The following PTP4A3 variants were observed in gnomAD, a reference collection of about 807,000 sequenced individuals.
The protein encoded by PTP4A3 is protein tyrosine phosphatase type IVA 3.
Under a neutral mutation model 15.2 loss-of-function variants are expected in PTP4A3, and 9 were observed. The observed-to-expected ratio is 0.59, with a 90% CI of 0.36 to 1.03. PTP4A3 has a LOEUF of 1.03. Ranked by LOEUF, PTP4A3 falls within the 50% of genes least tolerant of loss-of-function variation. The pLI is 0.02. For missense variants in PTP4A3, 234 were observed against 252.1 expected, an observed-to-expected ratio of 0.93 and a Z score of 0.49; for synonymous variants, 95 against 102.0, an observed-to-expected ratio of 0.93 and a Z score of 0.41.
intron 1 of PTP4A3, among the ~76,000 whole-genome samples, chr8:141,403,944 C>T (rs553316507): frequency 1.3e-5 from 2 of 152,378 alleles, no homozygotes; most frequent in South Asian, 2.1e-4. Context: ...CCACTAATTC[C>T]AGTGCAGGGT....
rs1398846007 is a variant in PTP4A3, at chr8:141,392,095, T to C, written c.-854+11T>C. ...CGCCCGGACCGCCAGGTCAGTCTCC[T>C]CCGCGCCCGCTCGGGGCGGGGGCGC... On this transcript the variant is annotated intron_variant, in intron 1 of 5. Coordinates refer to ENST00000521578, the MANE Select transcript of PTP4A3 (RefSeq NM_032611.3). 1 of 146,022 alleles carries C rather than the reference T, an allele frequency of 6.8e-6. No individual in the cohort carries two copies. Among genetic ancestry groups the C allele is most frequent in the East Asian group, 2.0e-4 (1 of 5,030 alleles). 9.0% of individuals were successfully genotyped at this position (146,022 alleles called of 1,614,324 possible).
intron 1 of PTP4A3, among the ~76,000 whole-genome samples, chr8:141,394,818 G>C (rs1365995670): frequency 6.6e-6 from 1 of 152,288 alleles, no homozygotes; most frequent in Non-Finnish European, 1.5e-5. Context: ...AGTTGGGTGG[G>C]AGTGGCTGTG....
intron 1 of PTP4A3, among the ~76,000 whole-genome samples, chr8:141,417,611 GGGA>G (rs1464123457): frequency 6.6e-6 from 1 of 152,090 alleles, no homozygotes; most frequent in African/African-American, 2.4e-5. Flanking sequence ...GGGGGCCAGG[GGGA>G]GCTCCGAGGT....
At chr8:141,417,620 G>A (rs1383041641) in intron 1 of PTP4A3, among the ~76,000 whole-genome samples, 2 of 152,060 alleles carry the variant, frequency 1.3e-5, no homozygotes, top group Non-Finnish European at 2.9e-5. Context: ...GGGGAGCTCC[G>A]AGGTTCTAGG....
intron 1 of PTP4A3, among the ~76,000 whole-genome samples, chr8:141,400,877 C>T (rs1007205805): frequency 6.6e-6 from 1 of 152,148 alleles, no homozygotes; most frequent in African/African-American, 2.4e-5. Flanking sequence ...CAGTTCCCTC[C>T]CTGGAGCATG....
At chr8:141,404,511 A>G (rs2129872278) in intron 1 of PTP4A3, among the ~76,000 whole-genome samples, 1 of 152,350 alleles carries the variant, frequency 6.6e-6, no homozygotes, top group South Asian at 2.1e-4. Context: ...CTGTCATGCC[A>G]GGAACTAAGC....
At chr8:141,400,184 C>T (rs968126864) in intron 1 of PTP4A3, among the ~76,000 whole-genome samples, 11 of 152,218 alleles carry the variant, frequency 7.2e-5, no homozygotes, top group Admixed American at 3.3e-4. Flanking sequence ...TGAGCCACTG[C>T]GCCCGGCCCA....
At chr8:141,417,825 GC>G (rs1833122126) in intron 1 of PTP4A3, among the ~76,000 whole-genome samples, 1 of 151,988 alleles carries the variant, frequency 6.6e-6, no homozygotes, top group Admixed American at 6.5e-5. Flanking sequence ...AGGTGTGGGA[GC>G]CCCCGGCAGC....
chr8:141,421,782 G>A lies in PTP4A3; in HGVS notation c.-459G>A, dbSNP rs1311890542. ...GGGGGCTGTCTGCCCATCCACCAAT[G>A]TGGAGAGGGCGCCCCCGGTGTGGGG... On this transcript the variant is annotated 5_prime_UTR_variant, in exon 2 of 6. It adds an upstream start codon to the 5' untranslated region. Transcript: ENST00000521578. 1 of 158,192 alleles carries A rather than the reference G, an allele frequency of 6.3e-6. No homozygotes were observed. Among genetic ancestry groups the A allele is most frequent in the Non-Finnish European group, 1.4e-5 (1 of 72,312 alleles). The allele number at this position is 158,192 out of a possible 1,614,324, so 9.8% of individuals were successfully genotyped here. A position where few individuals can be genotyped will look rare whatever the true frequency, so the allele number is the denominator to read the frequency against.
Position 141,425,056 on chromosome 8 carries a change from G to A in PTP4A3, c.114G>A (p.Lys38=), listed in dbSNP as rs772587418. 2.5e-6 allele frequency: 4 copies of A among 1,613,032 alleles called. No homozygotes were observed. In the South Asian group the frequency reaches 3.3e-5, roughly 13 times the overall value. ...CGTCCTCCCACCCCCAGGACCTGAA[G>A]AAGTACGGGGCTACCACTGTGGTGC... ...ATLSTFIEDL[K]KYGATTVVRV... Residue 38 remains lysine (K), a synonymous_variant, in exon 3 of 6, where the codon AAG becomes AAA. Transcript: ENST00000521578. The surrounding 1 kb of genome is among the most constrained non-coding windows in gnomAD (Gnocchi z 4.2).
At chr8:141,398,653 T>A (rs1563723428) in intron 1 of PTP4A3, among the ~76,000 whole-genome samples, 2 of 152,066 alleles carry the variant, frequency 1.3e-5, no homozygotes, top group Non-Finnish European at 2.9e-5. Flanking sequence ...CTCTGGAACC[T>A]GAAGACCCCC....
intron 1 of PTP4A3, among the ~76,000 whole-genome samples, chr8:141,411,095 G>A (rs1005929679): frequency 6.6e-6 from 1 of 152,148 alleles, no homozygotes; most frequent in Admixed American, 6.5e-5. Context: ...TGTGTGCCTA[G>A]CAGCCTCCCT....
intron 1 of PTP4A3, among the ~76,000 whole-genome samples, chr8:141,408,895 C>T (rs1025108312): frequency 3.3e-5 from 5 of 152,226 alleles, no homozygotes; most frequent in Admixed American, 3.3e-4. Flanking sequence ...GAAGGCCCTT[C>T]CCCGGCCCTC....
chr8:141,421,667 T>A lies in PTP4A3; in HGVS notation c.-574T>A, dbSNP rs747482970. On this transcript the variant is annotated 5_prime_UTR_variant, in exon 2 of 6. Coordinates refer to ENST00000521578, the MANE Select transcript of PTP4A3 (RefSeq NM_032611.3). ...CCGCTGTCCCCACGGCCACTGCCCG[T>A]GACCCCTGGCCCAAGGCAGCTGGAG... 4.6e-5 allele frequency: 7 copies of A among 153,480 alleles called. No individual in the cohort carries two copies. The highest frequency in any genetic ancestry group is 1.7e-4 in the African/African-American group (7 of 41,476). 9.5% of individuals were successfully genotyped at this position (153,480 alleles called of 1,614,324 possible). A position where few individuals can be genotyped will look rare whatever the true frequency, so the allele number is the denominator to read the frequency against.
chr8:141,396,373 T>A (rs1832451630), intron 1 of PTP4A3, among the ~76,000 whole-genome samples: 1 of 152,154 alleles, frequency 6.6e-6, no homozygotes, highest in Non-Finnish European at 1.5e-5. Flanking sequence ...TGGCCATGCC[T>A]CCTTTTTGGG....
intron 1 of PTP4A3, among the ~76,000 whole-genome samples, chr8:141,419,436 A>G (rs1291773039): frequency 6.6e-6 from 1 of 152,208 alleles, no homozygotes; most frequent in African/African-American, 2.4e-5. Context: ...GTGTGCTGTT[A>G]GCACGTGGTG....
At chr8:141,418,919 C>T (rs1833188637) in intron 1 of PTP4A3, among the ~76,000 whole-genome samples, 1 of 152,130 alleles carries the variant, frequency 6.6e-6, no homozygotes, top group African/African-American at 2.4e-5. Context: ...CCAGGCAGGG[C>T]AGAGCCACAT....
rs1833905371 is a variant in PTP4A3 at position 141,432,240 on chromosome 8, GA to G, written c.*1197del. ...CAAGGAGCGACTGGGGCAGGTGCTG[GA>G]GGAGGTCAGTGGACAAGATGGGGAG... On this transcript the variant is annotated 3_prime_UTR_variant, in exon 6 of 6. Coordinates refer to ENST00000521578, the MANE Select transcript of PTP4A3 (RefSeq NM_032611.3). 1 of 152,238 alleles carries G rather than the reference GA, an allele frequency of 6.6e-6. No homozygotes were observed. Among genetic ancestry groups the G allele is most frequent in the Admixed American group, 6.5e-5 (1 of 15,282 alleles). The allele number at this position is 152,238 out of a possible 1,614,324, so 9.4% of individuals were successfully genotyped here. A position where few individuals can be genotyped will look rare whatever the true frequency, so the allele number is the denominator to read the frequency against.
At chr8:141,392,529 G>A (rs68107840) in intron 1 of PTP4A3, 29,319 of 152,420 alleles carry the variant, frequency 0.19, 9,276 homozygotes, top group African/African-American at 0.66. Flanking sequence ...CCTCCAGGGC[G>A]GGTCGTAGAT....
Sources: gnomAD v4.1 joint callset for allele counts (sites outside exome capture counted in the v4.1 genomes callset) on GRCh38, gnomAD v4.1.1 for gene constraint, Gnocchi (gnomAD v3.1) non-coding constraint, MANE v1.5 for transcripts, NCBI Gene and HGNC (gene_info 2026-07-23, HGNC 2026-07-21) for gene names.